Variants in QSOX2 observed in about 807,000 individuals in gnomAD.
QSOX2 encodes the protein quiescin sulfhydryl oxidase 2.
A neutral mutation model predicts 61.7 loss-of-function variants in QSOX2; 46 were observed. That is an observed-to-expected ratio of 0.75 (90% confidence interval 0.59 to 0.95). The LOEUF (loss-of-function observed/expected upper bound fraction) is 0.95, where lower values mean the gene tolerates loss of function less well. Ranked by LOEUF, QSOX2 falls within the 40% of genes least tolerant of loss-of-function variation. The pLI is 0.00. For missense variants in QSOX2, 879 were observed against 918.9 expected (o/e 0.96, Z 0.56); for synonymous variants, 383 against 388.4 (o/e 0.99, Z 0.16).
intron 1 of QSOX2, among the ~76,000 whole-genome samples, chr9:136,237,339 G>A (rs1330270188): frequency 1.7e-5 from 2 of 120,734 alleles, no homozygotes; most frequent in African/African-American, 3.2e-5. Flanking sequence ...GCTCTGGGCC[G>A]GCGTCACTTG....
At position 136,221,470 on chromosome 9, in the gene QSOX2, C is replaced by T. The variant is rs1016469347; in HGVS notation, c.821+326G>A. Among the ~76,000 whole-genome samples the T allele has an allele frequency of 7.2e-5, 11 of 152,238 alleles. No individual in the cohort carries two copies. Among genetic ancestry groups the T allele is most frequent in the African/African-American group, 2.4e-4 (10 of 41,464 alleles). On this transcript the variant is annotated intron_variant, in intron 6 of 11. Transcript: ENST00000358701. This position sits in a 1 kb window ranked among gnomAD's most constrained non-coding sequence, Gnocchi z 4.5. ...TCCACCCAGAGCAGGGTTTTAGGAGCATCGGCTGCTCCCAAAGCCCCGGCC... is the reference window on the plus strand; with the variant it reads ...TCCACCCAGAGCAGGGTTTTAGGAGTATCGGCTGCTCCCAAAGCCCCGGCC...
At chr9:136,243,133 C>T (rs538016984) in intron 1 of QSOX2, among the ~76,000 whole-genome samples, 3 of 152,306 alleles carry the variant, frequency 2.0e-5, no homozygotes, top group East Asian at 3.9e-4. Context: ...GGGTACAGCA[C>T]CACATGACAA....
intron 10 of QSOX2, among the ~76,000 whole-genome samples, 178 bp downstream of exon 10, chr9:136,214,976 G>A (rs1229569468): frequency 7.9e-5 from 12 of 152,352 alleles, no homozygotes; most frequent in East Asian, 1.9e-4. Flanking sequence ...TCGTGCCCCC[G>A]CAGCCACAGC....
chr9:136,244,948 C>G (rs886518945), intron 1 of QSOX2, among the ~76,000 whole-genome samples: 1 of 152,086 alleles, frequency 6.6e-6, no homozygotes, highest in African/African-American at 2.4e-5. Context: ...ATATGGCCAG[C>G]GATCCGAACC....
chr9:136,224,984 C>T (rs1830266059), intron 2 of QSOX2, 75 bp from the exon 3 acceptor site: 3 of 1,079,246 alleles, frequency 2.8e-6, no homozygotes, highest in African/African-American at 1.6e-5. Context: ...AACAAAACGC[C>T]CGTCACCTTA....
At position 136,209,543 on chromosome 9, in the gene QSOX2, C is replaced by T. The variant is rs553187728; in HGVS notation, c.1550-268G>A. On this transcript the variant is annotated intron_variant, in intron 11 of 11. Transcript: ENST00000358701. The surrounding 1 kb of genome is among the most constrained non-coding windows in gnomAD (Gnocchi z 5.6). ...AGTGAGGAGACGCTACACGCTCGGC[C>T]TCCGCCACTTCCCAGACCACACCTG... The T allele has an allele frequency of 5.2e-4, 508 of 985,416 alleles. No individual in the cohort carries two copies. In the African/African-American group the frequency reaches 7.9e-3, roughly 15 times the overall value. 61.0% of individuals were successfully genotyped at this position (985,416 alleles called of 1,614,324 possible).
At position 136,223,139 on chromosome 9, in the gene QSOX2, G is replaced by C. The variant is rs1258347269; in HGVS notation, c.675+624C>G. ...CCTCACAGTGGACAGAAAAACAGTC[G>C]CCTATCAAGTTGCAAGGAGGAGGAG... On this transcript the variant is annotated intron_variant, in intron 5 of 11. Transcript: ENST00000358701. This position sits in a 1 kb window ranked among gnomAD's most constrained non-coding sequence, Gnocchi z 4.4. Among the ~76,000 whole-genome samples the C allele has an allele frequency of 6.6e-6, 1 of 152,154 alleles. No individual in the cohort carries two copies. Among genetic ancestry groups the C allele is most frequent in the African/African-American group, 2.4e-5 (1 of 41,424 alleles).
chr9:136,215,182 C>T lies in QSOX2; in HGVS notation c.1332G>A (p.Ser444=), dbSNP rs1190530875. 1.9e-6 allele frequency: 3 copies of T among 1,613,900 alleles called. No homozygotes were observed. The highest frequency in any genetic ancestry group is 2.2e-5 in the East Asian group (1 of 44,884). ...TGCCAACCAGTGCATCTGGGTGGGT[C>T]GAGGCTTCAACAGTCAAAGTGTGGA... The part of the protein sequence containing the change: ...KLFHTLTVEA[S]THPDALVGTG... The change falls in exon 10 of 12, where the codon TCG becomes TCA. Residue 444 remains serine, a synonymous_variant. Coordinates refer to ENST00000358701, the MANE Select transcript of QSOX2 (RefSeq NM_181701.4).
chr9:136,245,325 G>A (rs1830462840), intron 1 of QSOX2, 151 bp downstream of exon 1: 2 of 645,376 alleles, frequency 3.1e-6, no homozygotes, highest in Non-Finnish European at 2.6e-6. Context: ...GGTCCGAGTC[G>A]GGTGCCTCTG....
chr9:136,245,490 G>A lies in QSOX2; in HGVS notation c.314C>T (p.Ala105Val). The A allele has an allele frequency of 1.9e-6, 3 of 1,592,168 alleles. No homozygotes were observed. Among genetic ancestry groups the A allele is most frequent in the African/African-American group, 2.7e-5 (2 of 74,026 alleles). The change falls in exon 1 of 12, where the codon GCT (alanine) becomes GTT (valine). Residue 105 changes from alanine (A) to valine (V), a missense_variant. Physicochemically the swap from Ala to Val is moderately conservative, Grantham distance 64. Transcript: ENST00000358701. The stretch of plus-strand genomic sequence containing the variant: ...GCGCGCCTCACCTCGCACATCCCCA[G>A]CCAGGGCCCGCCAAGTGGGCGCGTA... ...IGYAPTWRAL[A>V]GDVRDWASAI...
Position 136,233,146 on chromosome 9 carries a change from T to C in QSOX2, c.329-6272A>G, listed in dbSNP as rs367774353. On this transcript the variant is annotated intron_variant, in intron 1 of 11. Coordinates refer to ENST00000358701, the MANE Select transcript of QSOX2 (RefSeq NM_181701.4). ...GTATCAGCAGGACTGCCCTTAGCTA[T>C]AAAGCCGCTAACCCTGAGCCTCGAA... Among the ~76,000 whole-genome samples, 17 of 152,184 alleles carry C rather than the reference T, an allele frequency of 1.1e-4. No individual in the cohort carries two copies. In the East Asian group the frequency reaches 2.9e-3, roughly 26 times the overall value.
chr9:136,215,506 C>T (rs528411640), intron 9 of QSOX2, among the ~76,000 whole-genome samples: 3 of 152,250 alleles, frequency 2.0e-5, no homozygotes, highest in Admixed American at 2.0e-4. Context: ...AGGAAATGGT[C>T]TCCTTTACTA....
intron 1 of QSOX2, among the ~76,000 whole-genome samples, chr9:136,234,864 C>G (rs938033299): frequency 1.3e-5 from 2 of 152,128 alleles, no homozygotes; most frequent in African/African-American, 4.8e-5. Context: ...CCAGCCTCAT[C>G]GCGCCACACC....
intron 2 of QSOX2, among the ~76,000 whole-genome samples, chr9:136,225,770 C>T (rs1006217204): frequency 1.3e-5 from 2 of 152,278 alleles, no homozygotes; most frequent in Non-Finnish European, 2.9e-5. Context: ...CTCAGAGTGA[C>T]GTCACTGGAC....
At chr9:136,227,001 CAGTT>C (rs1830288547) in intron 1 of QSOX2, 127 bp from the exon 2 acceptor site, 1 of 715,362 alleles carries the variant, frequency 1.4e-6, no homozygotes, top group Non-Finnish European at 2.5e-6. Context: ...TCTAGGTCAT[CAGTT>C]AGGCCCTCAT....
intron 10 of QSOX2, among the ~76,000 whole-genome samples, chr9:136,214,508 G>A (rs963086615): frequency 2.6e-5 from 4 of 152,250 alleles, no homozygotes; most frequent in African/African-American, 9.6e-5. Context: ...GAGGCCCTGA[G>A]CGTGGCCTGC....
chr9:136,228,289 G>A (rs921579288), intron 1 of QSOX2, among the ~76,000 whole-genome samples: 2 of 152,180 alleles, frequency 1.3e-5, no homozygotes, highest in African/African-American at 4.8e-5. Context: ...GATGAGCTGG[G>A]ACAATTCTGT....
At chr9:136,218,480 A>G (rs1831939822) in intron 8 of QSOX2, among the ~76,000 whole-genome samples, 199 bp downstream of exon 8, 1 of 152,196 alleles carries the variant, frequency 6.6e-6, no homozygotes, top group Non-Finnish European at 1.5e-5. Flanking sequence ...CCCCAGCCCC[A>G]GTGCTGGGAA....
intron 6 of QSOX2, among the ~76,000 whole-genome samples, chr9:136,219,696 C>T (rs972344585): frequency 6.6e-6 from 1 of 152,212 alleles, no homozygotes; most frequent in Non-Finnish European, 1.5e-5. Context: ...GAGCTGCCTT[C>T]TGAGGACACC....
Sources: gnomAD v4.1 joint callset for allele counts (sites outside exome capture counted in the v4.1 genomes callset) on GRCh38, gnomAD v4.1.1 for gene constraint, Gnocchi (gnomAD v3.1) non-coding constraint, MANE v1.5 for transcripts, NCBI Gene and HGNC (gene_info 2026-07-23, HGNC 2026-07-21) for gene names.